Variants in MAF observed in about 807,000 individuals in gnomAD.
The protein encoded by MAF is MAF bZIP transcription factor, also known as transcription factor Maf.
A neutral mutation model predicts 22.0 loss-of-function variants in MAF; 10 were observed. The observed-to-expected ratio is 0.45, with a 90% CI of 0.28 to 0.77. MAF has a LOEUF of 0.77. Ranked by LOEUF, MAF falls within the 30% of genes least tolerant of loss-of-function variation. The probability of loss-of-function intolerance (pLI) is 0.12; values close to 1 mark genes in which losing one functional copy is unlikely to be tolerated. For synonymous variants in MAF, 337 were observed against 255.8 expected (o/e 1.32, Z -3.03); for missense variants, 544 against 548.4 (o/e 0.99, Z 0.08).
chr16:79,331,727 C>T, the MAF span, among the ~76,000 whole-genome samples: 4 of 152,174 alleles, frequency 2.6e-5, no homozygotes, highest in Admixed American at 2.0e-4. Context: ...CTCCACATTT[C>T]CAGTGTCTTC....
chr16:79,558,113 T>G, the MAF span, among the ~76,000 whole-genome samples: 1 of 150,812 alleles, frequency 6.6e-6, no homozygotes, highest in Non-Finnish European at 1.5e-5. Flanking sequence ...CCATCACAGC[T>G]GAAGTATCTC....
chr16:79,342,171 A>G, the MAF span, among the ~76,000 whole-genome samples: 1 of 152,216 alleles, frequency 6.6e-6, no homozygotes, highest in Non-Finnish European at 1.5e-5. Flanking sequence ...CCCGGCAGGT[A>G]GGTGGCACAC....
chr16:79,220,387 C>T, the MAF span, among the ~76,000 whole-genome samples: 479 of 151,878 alleles, frequency 3.2e-3, 5 homozygotes, highest in Admixed American at 0.023. Context: ...TACTGTGGTA[C>T]ATTTTTTATG....
At chr16:79,336,302 G>C in the MAF span, among the ~76,000 whole-genome samples, 2 of 152,336 alleles carry the variant, frequency 1.3e-5, no homozygotes, top group East Asian at 3.9e-4. Flanking sequence ...AGGGAATACT[G>C]TTATGATCAT....
At chr16:79,369,729 A>T in the MAF span, among the ~76,000 whole-genome samples, 2 of 152,184 alleles carry the variant, frequency 1.3e-5, no homozygotes, top group African/African-American at 2.4e-5. Flanking sequence ...GCAATCTTAC[A>T]AATCTCAGCC....
At chr16:79,258,764 A>G in the MAF span, among the ~76,000 whole-genome samples, 1 of 152,130 alleles carries the variant, frequency 6.6e-6, no homozygotes, top group Non-Finnish European at 1.5e-5. Flanking sequence ...TCCCTTCAAG[A>G]GCCTGCTCCA....
At chr16:79,220,749 C>A in the MAF span, among the ~76,000 whole-genome samples, 2 of 152,184 alleles carry the variant, frequency 1.3e-5, no homozygotes, top group Non-Finnish European at 2.9e-5. Flanking sequence ...TGGGTAGTTA[C>A]TGGCAAGATA....
intron 1 of MAF, chr16:79,595,120 T>C (rs1913437606): frequency 9.7e-7 from 1 of 1,027,066 alleles, no homozygotes; most frequent in African/African-American, 1.8e-5. Context: ...TTAGTTGTGA[T>C]GAGGAAAAAA....
chr16:79,586,847 T>C (rs549286221), intron 1 of MAF, among the ~76,000 whole-genome samples: 3 of 152,350 alleles, frequency 2.0e-5, no homozygotes, highest in Non-Finnish European at 2.9e-5. Flanking sequence ...AAATTCAACA[T>C]GGTCACAGAA....
the MAF span, chr16:79,203,302 C>G: frequency 6.6e-6 from 1 of 152,212 alleles, no homozygotes; most frequent in African/African-American, 2.4e-5. Context: ...GAGAAATGGT[C>G]TGTTCCAGTG....
chr16:79,575,896 T>C, the MAF span, among the ~76,000 whole-genome samples: 2 of 152,108 alleles, frequency 1.3e-5, no homozygotes, highest in African/African-American at 2.4e-5. Flanking sequence ...GCTCATTCCA[T>C]CACAAATGTC....
chr16:79,264,041 CTG>C, the MAF span, among the ~76,000 whole-genome samples: 1 of 152,160 alleles, frequency 6.6e-6, no homozygotes, highest in East Asian at 1.9e-4. Flanking sequence ...GACACATCCG[CTG>C]TGTCTGTAAA....
chr16:79,242,998 C>T, the MAF span, among the ~76,000 whole-genome samples: 1 of 151,962 alleles, frequency 6.6e-6, no homozygotes, highest in Non-Finnish European at 1.5e-5. Flanking sequence ...TTTTTTGAAA[C>T]CAATGAGAAC....
At chr16:79,210,364 G>GTGAT in the MAF span, among the ~76,000 whole-genome samples, 1 of 152,180 alleles carries the variant, frequency 6.6e-6, no homozygotes, top group African/African-American at 2.4e-5. Flanking sequence ...TGCAAGCATA[G>GTGAT]TGATTGCAAA....
chr16:79,420,304 G>A, the MAF span, among the ~76,000 whole-genome samples: 1 of 152,138 alleles, frequency 6.6e-6, no homozygotes, highest in African/African-American at 2.4e-5. Flanking sequence ...GCCAACGTGG[G>A]ACAGGGCACC....
At chr16:79,484,800 CGT>C in the MAF span, among the ~76,000 whole-genome samples, 6 of 151,984 alleles carry the variant, frequency 3.9e-5, no homozygotes, top group Non-Finnish European at 5.9e-5. Flanking sequence ...TGCATGTGCA[CGT>C]GTGTGTGTGT....
the MAF span, among the ~76,000 whole-genome samples, chr16:79,488,575 A>C: frequency 6.6e-6 from 1 of 152,198 alleles, no homozygotes; most frequent in South Asian, 2.1e-4. Flanking sequence ...TGGATCACAG[A>C]TGGTGCTCCT....
chr16:79,530,855 T>A, the MAF span, among the ~76,000 whole-genome samples: 1 of 152,180 alleles, frequency 6.6e-6, no homozygotes, highest in African/African-American at 2.4e-5. Flanking sequence ...GTGGAAGGAA[T>A]GGAAATGATT....
downstream of MAF, among the ~76,000 whole-genome samples, chr16:79,590,670 C>A (rs1913141002): frequency 6.6e-6 from 1 of 151,974 alleles, no homozygotes; most frequent in Non-Finnish European, 1.5e-5. Context: ...GCTTGTCAGT[C>A]ACCCTGCAAA....
Sources: allele counts gnomAD v4.1 joint callset (sites outside exome capture counted in the v4.1 genomes callset), GRCh38; gene constraint gnomAD v4.1.1; transcripts MANE v1.5; gene names NCBI Gene and HGNC (gene_info 2026-07-23, HGNC 2026-07-21).